The following PLCH2 variants were observed in gnomAD, a reference collection of about 807,000 sequenced individuals.
PLCH2 encodes 1-phosphatidylinositol 4,5-bisphosphate phosphodiesterase eta-2.
Under a neutral mutation model 134.7 loss-of-function variants are expected in PLCH2, and 98 were observed. The observed-to-expected ratio is 0.73, with a 90% CI of 0.62 to 0.86. PLCH2 has a LOEUF of 0.86. PLCH2 is among the 40% of genes least tolerant of loss of function. The probability of loss-of-function intolerance (pLI) is 0.00; values close to 1 mark genes in which losing one functional copy is unlikely to be tolerated. For synonymous variants in PLCH2, 974 were observed against 827.5 expected, an observed-to-expected ratio of 1.18 and a Z score of -3.04; for missense variants, 1,994 against 1,986.6, an observed-to-expected ratio of 1.00 and a Z score of -0.07.
chr1:2,489,456 AG>A, intron 9 of PLCH2, 78 bp downstream of exon 9: 1 of 1,487,082 alleles, frequency 6.7e-7, no homozygotes, highest in Non-Finnish European at 9.3e-7. Context: ...CCAGACAGGC[AG>A]GGGCATCATG....
rs1642926306 is a variant in PLCH2 at position 2,496,922 on chromosome 1, G to A, written c.2028G>A (p.Gln676=). 1.2e-6 allele frequency: 2 copies of A among 1,613,278 alleles called. No homozygotes were observed. Among genetic ancestry groups the A allele is most frequent in the Non-Finnish European group, 1.7e-6 (2 of 1,179,866 alleles). ...KPAQYLRFNQ[Q]QLSRIYPSSY... is the part of the protein sequence containing the mutation. The stretch of plus-strand genomic sequence containing the variant: ...CGCAGTACCTACGCTTCAACCAGCA[G>A]CAGCTCTCCCGCATCTACCCCTCCT... Residue 676 remains glutamine (Q), a synonymous_variant, in exon 15 of 22, where the codon CAG becomes CAA. Coordinates refer to ENST00000378486, the MANE Select transcript of PLCH2 (RefSeq NM_014638.4).
chr1:2,504,448 C>A lies in PLCH2; in HGVS notation c.3486C>A (p.Ser1162Arg), dbSNP rs775570491. The change falls in exon 22 of 22, where the codon AGC becomes AGA. Residue 1162 changes from serine to arginine, a missense_variant. This residue lies in a region of PLCH2 where 900 missense variants were observed against 752.3 expected (regional missense o/e 1.20). Coordinates refer to ENST00000378486, the MANE Select transcript of PLCH2 (RefSeq NM_014638.4). ...CTGTCATTGACCTCTCCCTGCCCAG[C>A]CTGGGCCTGGGCCGCAGCCGTGAGA... is the stretch of plus-strand genomic sequence containing the variant. The part of the protein sequence containing the change: ...SDTVIDLSLP[S>R]LGLGRSRENL... 2 of 1,612,480 alleles carry A rather than the reference C, an allele frequency of 1.2e-6. No individual in the cohort carries two copies. The highest frequency in any genetic ancestry group is 1.7e-6 in the Non-Finnish European group (2 of 1,179,608).
chr1:2,492,997 C>T (rs983017939), intron 11 of PLCH2: 1 of 152,246 alleles, frequency 6.6e-6, no homozygotes, highest in Non-Finnish European at 1.5e-5. Context: ...AGGACCCTTC[C>T]CTGAGCACCC....
Position 2,504,622 on chromosome 1 carries a change from GC to G in PLCH2, c.3663del (p.Arg1222GlyfsTer55). 1 of 1,612,724 alleles carries G rather than the reference GC, an allele frequency of 6.2e-7. No individual in the cohort carries two copies. The highest frequency in any genetic ancestry group is 1.1e-5 in the South Asian group (1 of 91,090). ...GGCCTCCCATACCTGACGAACTGCAGCCCAGGTCCCTGGCCCCAAGGATGGC... is the reference window on the plus strand; with the variant it reads ...GGCCTCCCATACCTGACGAACTGCAGCCAGGTCCCTGGCCCCAAGGATGGC... The part of the protein sequence containing the change: ...QRPPIPDELQ[P>X]RSLAPRMAGL... On this transcript the variant is annotated frameshift_variant, in exon 22 of 22. Coordinates refer to ENST00000378486, the MANE Select transcript of PLCH2 (RefSeq NM_014638.4). LOFTEE classifies it high-confidence loss of function.
chr1:2,482,516 T>C (rs1376627823), intron 4 of PLCH2, among the ~76,000 whole-genome samples: 3 of 152,224 alleles, frequency 2.0e-5, no homozygotes. Context: ...TGGCTTTAGC[T>C]GGGCCCTTCA....
intron 21 of PLCH2, 193 bp downstream of exon 21, chr1:2,502,602 C>A: frequency 1.4e-6 from 1 of 712,818 alleles, no homozygotes; most frequent in Non-Finnish European, 2.5e-6. Flanking sequence ...AGGCAGGCAG[C>A]CATTCGCCAG....
upstream of PLCH2, among the ~76,000 whole-genome samples, chr1:2,421,783 G>C (rs906215966): frequency 2.0e-5 from 3 of 152,112 alleles, no homozygotes; most frequent in Non-Finnish European, 2.9e-5. Context: ...AGACCAGCCT[G>C]GCCAACATGG....
At chr1:2,487,500 C>G in intron 7 of PLCH2, 98 bp from the exon 8 acceptor site, 5 of 1,500,456 alleles carry the variant, frequency 3.3e-6, no homozygotes, top group Non-Finnish European at 4.5e-6. Flanking sequence ...GTGTCCCTCA[C>G]TGAGCAATGG....
At chr1:2,441,864 C>T (rs576810967) in intron 2 of PLCH2, among the ~76,000 whole-genome samples, 17 of 152,154 alleles carry the variant, frequency 1.1e-4, no homozygotes, top group Non-Finnish European at 2.2e-4. Context: ...CACCTCAGGG[C>T]GCAGGGCTCT....
chr1:2,498,994 T>C lies in PLCH2; in HGVS notation c.2435-90T>C, dbSNP rs1158574804. The C allele has an allele frequency of 6.8e-7, 1 of 1,479,956 alleles. No individual in the cohort carries two copies. The highest frequency in any genetic ancestry group is 2.0e-5 in the Admixed American group (1 of 50,548). The allele number at this position is 1,479,956 out of a possible 1,614,324, so 91.7% of individuals were successfully genotyped here. On this transcript the variant is annotated intron_variant, in intron 18 of 21. Coordinates refer to ENST00000378486, the MANE Select transcript of PLCH2 (RefSeq NM_014638.4). This position sits in a 1 kb window ranked among gnomAD's most constrained non-coding sequence, Gnocchi z 5.4. ...CCGGAAGCAGCACCGGGAGTGGCAC[T>C]GGGAGTGGTGTGGGCCGGGGGCTCC...
chr1:2,496,040 C>T (rs1208752291), intron 13 of PLCH2, among the ~76,000 whole-genome samples: 1 of 152,106 alleles, frequency 6.6e-6, no homozygotes, highest in Non-Finnish European at 1.5e-5. Context: ...ACTCCCACCC[C>T]TCCCGGACCC....
At chr1:2,441,509 A>G (rs1347365145) in intron 2 of PLCH2, among the ~76,000 whole-genome samples, 1 of 152,062 alleles carries the variant, frequency 6.6e-6, no homozygotes, top group Non-Finnish European at 1.5e-5. Flanking sequence ...ATCGACTGGC[A>G]CGTCCATCCT....
At chr1:2,462,842 T>TG (rs1439805281), upstream of PLCH2, among the ~76,000 whole-genome samples, 1 of 151,992 alleles carries the variant, frequency 6.6e-6, no homozygotes, top group Non-Finnish European at 1.5e-5. Context: ...CAGCCCATCC[T>TG]GGTGCCAAGA....
intron 21 of PLCH2, chr1:2,502,878 A>T (rs1643315788): frequency 1.4e-6 from 1 of 717,036 alleles, no homozygotes; most frequent in African/African-American, 1.7e-5. Context: ...AAGCTGGAGG[A>T]GATCAGGAGT....
intron 21 of PLCH2, 115 bp downstream of exon 21, chr1:2,502,524 G>A: frequency 1.8e-6 from 2 of 1,122,652 alleles, no homozygotes; most frequent in Non-Finnish European, 2.6e-6. Flanking sequence ...TGTGTGGTGG[G>A]ATCCTGCGCC....
In PLCH2 at chr1:2,504,211, G is replaced by A. The variant is rs569326486; in HGVS notation, c.3249G>A (p.Arg1083=). The change falls in exon 22 of 22, where the codon CGG becomes CGA. Residue 1083 remains arginine, a synonymous_variant. Coordinates refer to ENST00000378486, the MANE Select transcript of PLCH2 (RefSeq NM_014638.4). ...GSQTDGRSQP[R]TLGHLPVIRR... is the part of the protein sequence containing the mutation. ...AGACGGACGGCAGGAGCCAGCCCCG[G>A]ACCCTGGGCCACCTGCCCGTGATTA... The A allele has an allele frequency of 2.6e-6, 4 of 1,559,558 alleles. No individual in the cohort carries two copies. The highest frequency in any genetic ancestry group is 3.5e-6 in the Non-Finnish European group (4 of 1,153,152).
chr1:2,441,059 C>T (rs577236320), intron 2 of PLCH2, among the ~76,000 whole-genome samples: 13 of 152,290 alleles, frequency 8.5e-5, no homozygotes, highest in East Asian at 5.8e-4. Context: ...GGGCACTGCC[C>T]GCTCCAGGTG....
At position 2,451,848 on chromosome 1, in the gene PLCH2, G is replaced by C. The variant is rs566792790; in HGVS notation, c.115+21219G>C. ...GCCGGGGGGGCGGTGGGTGGTGGTG[G>C]GGGGACTGTGATTCAGGCTGAGCTG... On this transcript the variant is annotated intron_variant, in intron 2 of 3. Transcript: ENST00000609981. Among the ~76,000 whole-genome samples the C allele has an allele frequency of 2.6e-5, 4 of 152,292 alleles. No individual in the cohort carries two copies. The East Asian group carries it at 7.7e-4, about 29-fold the overall frequency.
chr1:2,443,715 G>T (rs1639800693), intron 2 of PLCH2, among the ~76,000 whole-genome samples: 1 of 148,088 alleles, frequency 6.8e-6, no homozygotes, highest in Non-Finnish European at 1.5e-5. Flanking sequence ...GGCGGGCAGG[G>T]GGTGTGGTGC....
Sources: gnomAD v4.1 joint callset for allele counts (sites outside exome capture counted in the v4.1 genomes callset) on GRCh38, gnomAD v4.1.1 for gene constraint, gnomAD v4.1.1 regional missense constraint, Gnocchi (gnomAD v3.1) non-coding constraint, MANE v1.5 for transcripts, NCBI Gene and HGNC (gene_info 2026-07-23, HGNC 2026-07-21) for gene names.